ENY2: variants seen among roughly 807,000 people sequenced by gnomAD.
The protein encoded by ENY2 is transcription and mRNA export factor ENY2.
A neutral mutation model predicts 15.9 loss-of-function variants in ENY2; 4 were observed. That is an observed-to-expected ratio of 0.25 (90% confidence interval 0.12 to 0.57). ENY2 has a LOEUF of 0.57. Among genes scored for constraint, ENY2 ranks in the 20% least tolerant of loss-of-function variants. The probability of loss-of-function intolerance (pLI) is 0.91; values close to 1 mark genes in which losing one functional copy is unlikely to be tolerated. For synonymous variants in ENY2, 48 were observed against 38.0 expected (o/e 1.26, Z -0.97); for missense variants, 54 against 117.2 (o/e 0.46, Z 2.49).
At chr8:109,339,859 G>A (rs1417914319) in intron 3 of ENY2, 1 of 154,562 alleles carries the variant, frequency 6.5e-6, no homozygotes, top group African/African-American at 2.4e-5. Flanking sequence ...TGTCACTAAG[G>A]GGAGCCTCCT....
chr8:109,339,136 C>T (rs545944614), intron 2 of ENY2, 184 bp from the exon 3 acceptor site: 15 of 578,818 alleles, frequency 2.6e-5, no homozygotes, highest in Middle Eastern at 4.6e-4. Context: ...AATGAAAGGC[C>T]TAGAATTTAA....
chr8:109,343,654 C>A lies in ENY2; in HGVS notation c.*173C>A. On this transcript the variant is annotated 3_prime_UTR_variant, in exon 5 of 5. Transcript: ENST00000521688. The stretch of plus-strand genomic sequence containing the variant: ...CTAAATGTGTTATTTTAATAAATAT[C>A]TCATGAATGAGTTTGAAGTTTGCTT... The A allele has an allele frequency of 1.9e-6, 1 of 518,034 alleles. No individual in the cohort carries two copies. Among genetic ancestry groups the A allele is most frequent in the South Asian group, 3.3e-5 (1 of 30,272 alleles). The allele number at this position is 518,034 out of a possible 1,614,324, so 32.1% of individuals were successfully genotyped here.
At chr8:109,340,241 CTAAATT>C in intron 3 of ENY2, 2 of 463,458 alleles carry the variant, frequency 4.3e-6, no homozygotes, top group Non-Finnish European at 3.9e-6. Context: ...ATATTACAGT[CTAAATT>C]TATTGTAAGT....
intron 1 of ENY2, chr8:109,335,175 A>C (rs908893238): frequency 6.6e-6 from 1 of 152,100 alleles, no homozygotes; most frequent in South Asian, 2.1e-4. Flanking sequence ...TTTACTGACA[A>C]TTGAGGACTT....
rs1364234787 is a variant in ENY2, at chr8:109,344,786, A to G, written c.*1305A>G. 1 of 152,140 alleles carries G rather than the reference A, an allele frequency of 6.6e-6. No individual in the cohort carries two copies. Among genetic ancestry groups the G allele is most frequent in the African/African-American group, 2.4e-5 (1 of 41,418 alleles). 9.4% of individuals were successfully genotyped at this position (152,140 alleles called of 1,614,324 possible). ...AAATTATCCACTACGTGCCCTCGTA[A>G]TTGTCTTAGTTCAAGCCCAGATTAT... is the stretch of plus-strand genomic sequence containing the variant. On this transcript the variant is annotated 3_prime_UTR_variant, in exon 5 of 5. Coordinates refer to ENST00000521688, the MANE Select transcript of ENY2 (RefSeq NM_020189.6).
At position 109,344,974 on chromosome 8, in the gene ENY2, T is replaced by C. The variant is rs1342954522; in HGVS notation, c.*1493T>C. The C allele has an allele frequency of 6.6e-6, 1 of 152,178 alleles. No homozygotes were observed. The highest frequency in any genetic ancestry group is 1.5e-5 in the Non-Finnish European group (1 of 68,030). 9.4% of individuals were successfully genotyped at this position (152,178 alleles called of 1,614,324 possible). A position where few individuals can be genotyped will look rare whatever the true frequency, so the allele number is the denominator to read the frequency against. ...ATGAAACTCATTCAGCATTAACACA[T>C]AGGCCCTTCTTGATCTGACATCGTG... is the stretch of plus-strand genomic sequence containing the variant. On this transcript the variant is annotated 3_prime_UTR_variant, in exon 5 of 5. Coordinates refer to ENST00000521688, the MANE Select transcript of ENY2 (RefSeq NM_020189.6).
At chr8:109,340,238 A>G (rs1353043110) in intron 3 of ENY2, 4 of 453,812 alleles carry the variant, frequency 8.8e-6, no homozygotes, top group Non-Finnish European at 1.6e-5. Context: ...TGAATATTAC[A>G]GTCTAAATTT....
intron 2 of ENY2, among the ~76,000 whole-genome samples, chr8:109,337,930 T>C (rs73700860): frequency 0.012 from 1,865 of 149,466 alleles, 40 homozygotes; most frequent in African/African-American, 0.043. Context: ...GATATGAGGG[T>C]GAGCAGGGAC....
chr8:109,336,469 A>G, intron 2 of ENY2: 1 of 321,310 alleles, frequency 3.1e-6, no homozygotes, highest in South Asian at 4.7e-5. Context: ...CTGAATTACA[A>G]CTGGAGACAT....
chr8:109,340,886 A>G, intron 4 of ENY2: 1 of 207,534 alleles, frequency 4.8e-6, no homozygotes, highest in East Asian at 1.2e-4. Context: ...CAGATATGGC[A>G]TGACTCCACT....
intron 4 of ENY2, chr8:109,342,791 A>G (rs1816151327): frequency 2.9e-6 from 2 of 687,774 alleles, no homozygotes; most frequent in Non-Finnish European, 2.6e-6. Context: ...GGCGTGAGCC[A>G]TCGTACCCAG....
chr8:109,337,821 C>G (rs1011850625), intron 2 of ENY2, among the ~76,000 whole-genome samples: 1 of 152,020 alleles, frequency 6.6e-6, no homozygotes, highest in Non-Finnish European at 1.5e-5. Flanking sequence ...ATCGCTTGAA[C>G]TCGGGAGGCG....
chr8:109,337,639 C>T (rs1186851721), intron 2 of ENY2, among the ~76,000 whole-genome samples: 1 of 152,166 alleles, frequency 6.6e-6, no homozygotes, highest in Non-Finnish European at 1.5e-5. Flanking sequence ...CATAGTGGCT[C>T]ACGCCTGTAA....
chr8:109,339,215 A>C, intron 2 of ENY2, 105 bp from the exon 3 acceptor site: 1 of 985,380 alleles, frequency 1.0e-6, no homozygotes, highest in Non-Finnish European at 1.6e-6. Context: ...AAGTTTTGTA[A>C]CTGGAAGGCA....
At chr8:109,340,589 G>A (rs1816090737) in intron 4 of ENY2, 26 bp downstream of exon 4, 1 of 1,610,504 alleles carries the variant, frequency 6.2e-7, no homozygotes, top group African/African-American at 1.3e-5. Flanking sequence ...TTTGTTAAAG[G>A]AAACATGCTG....
At chr8:109,335,519 A>C (rs1815952956) in intron 1 of ENY2, 1 of 151,830 alleles carries the variant, frequency 6.6e-6, no homozygotes, top group South Asian at 2.1e-4. Context: ...CCTGCCACCA[A>C]GCCCAGCTTA....
At chr8:109,336,102 AT>A (rs1348965119) in intron 1 of ENY2, 25 bp from the exon 2 acceptor site, 1 of 1,609,584 alleles carries the variant, frequency 6.2e-7, no homozygotes, top group African/African-American at 1.3e-5. Flanking sequence ...AATGTTCTAT[AT>A]CTGAAAGTAC....
At position 109,343,504 on chromosome 8, in the gene ENY2, G is replaced by T; in HGVS notation, c.*23G>T. On this transcript the variant is annotated 3_prime_UTR_variant, in exon 5 of 5. Transcript: ENST00000521688. Reference sequence around the variant, plus strand: ...TAAGATTGAATTAGATTGTGTTGTTGTGGTTTTATTTCTGAAAGTAAAACT... The same window carrying T: ...TAAGATTGAATTAGATTGTGTTGTTTTGGTTTTATTTCTGAAAGTAAAACT... 2.5e-6 allele frequency: 4 copies of T among 1,583,552 alleles called. No individual in the cohort carries two copies. Among genetic ancestry groups the T allele is most frequent in the Non-Finnish European group, 3.4e-6 (4 of 1,168,314 alleles).
At chr8:109,340,381 A>C in intron 3 of ENY2, 108 bp from the exon 4 acceptor site, 1 of 1,494,682 alleles carries the variant, frequency 6.7e-7, no homozygotes, top group Non-Finnish European at 9.0e-7. Flanking sequence ...TTTTTTTAAA[A>C]AAACCAGTCT....
Sources: allele counts gnomAD v4.1 joint callset (sites outside exome capture counted in the v4.1 genomes callset), GRCh38; gene constraint gnomAD v4.1.1; transcripts MANE v1.5; gene names NCBI Gene and HGNC (gene_info 2026-07-23, HGNC 2026-07-21).